NAA38: variants seen among roughly 807,000 people sequenced by gnomAD.
NAA38 encodes N-alpha-acetyltransferase 38, NatC auxiliary subunit, also known as LSM domain containing 1.
NAA38 carries 15 observed loss-of-function variants against 12.6 expected under a neutral mutation model. The observed-to-expected ratio is 1.19, with a 90% CI of 0.79 to 1.83. NAA38 has a LOEUF of 1.83. Among genes scored for constraint, NAA38 ranks in the 40% most tolerant of loss-of-function variants. NAA38 has a pLI of 0.00. For synonymous variants in NAA38, 88 were observed against 69.9 expected (o/e 1.26, Z -1.29); for missense variants, 183 against 171.7 (o/e 1.07, Z -0.37).
intron 2 of NAA38, among the ~76,000 whole-genome samples, chr17:7,878,439 A>G (rs1967212668): frequency 6.6e-6 from 1 of 152,096 alleles, no homozygotes; most frequent in Non-Finnish European, 1.5e-5. Flanking sequence ...TGTGCTGAGT[A>G]AGGACATTAA....
At position 7,857,313 on chromosome 17, in the gene NAA38, T is replaced by C. The variant is rs760123448; in HGVS notation, c.81+70A>G. Reference sequence around the variant, plus strand: ...ACAAAGCCCAGAGGCTGCCGGGAGCTGCAGTTCCCCACCCCCTCCATCTTG... The same window carrying C: ...ACAAAGCCCAGAGGCTGCCGGGAGCCGCAGTTCCCCACCCCCTCCATCTTG... On this transcript the variant is annotated intron_variant, in intron 1 of 2. Coordinates refer to ENST00000575771, the MANE Select transcript of NAA38 (RefSeq NM_001320925.4). 1.1e-5 allele frequency: 18 copies of C among 1,612,346 alleles called. No homozygotes were observed. In the Admixed American group the frequency reaches 2.3e-4, roughly 21 times the overall value.
At chr17:7,859,484 A>C, upstream of NAA38, 2 of 1,614,174 alleles carry the variant, frequency 1.2e-6, no homozygotes, top group Non-Finnish European at 1.7e-6. Context: ...GAACCTGAAC[A>C]TGGATTTTAC....
upstream of NAA38, chr17:7,859,397 T>C: frequency 6.2e-7 from 1 of 1,613,598 alleles, no homozygotes; most frequent in Non-Finnish European, 8.5e-7. Flanking sequence ...GGTTCTGGAG[T>C]CCATATGGGA....
chr17:7,858,708 A>T (rs752474992), upstream of NAA38: 1 of 1,611,000 alleles, frequency 6.2e-7, no homozygotes, highest in Non-Finnish European at 8.5e-7. Flanking sequence ...GGACTGGGCC[A>T]ACGATTTTGG....
chr17:7,859,205 T>G, upstream of NAA38: 1 of 613,862 alleles, frequency 1.6e-6, no homozygotes, highest in Non-Finnish European at 2.9e-6. Context: ...GTGGCTGCCA[T>G]TAAGATCTGT....
intron 2 of NAA38, among the ~76,000 whole-genome samples, chr17:7,875,706 T>G (rs1204850954): frequency 5.3e-5 from 8 of 151,860 alleles, no homozygotes; most frequent in Admixed American, 5.2e-4. Flanking sequence ...AATTCAGGGG[T>G]TTTTAGTATA....
chr17:7,858,266 C>T, upstream of NAA38: 1 of 1,614,016 alleles, frequency 6.2e-7, no homozygotes, highest in East Asian at 2.2e-5. Flanking sequence ...GCGTGTACGA[C>T]CTAACGTCAT....
upstream of NAA38, chr17:7,857,570 C>G (rs947173668): frequency 4.3e-6 from 6 of 1,405,258 alleles, no homozygotes; most frequent in East Asian, 2.7e-5. Context: ...GCGAGATCCC[C>G]TCTCCTCCCC....
intron 2 of NAA38, among the ~76,000 whole-genome samples, chr17:7,874,855 A>G (rs1416071203): frequency 1.4e-5 from 2 of 143,992 alleles, no homozygotes; most frequent in Non-Finnish European, 3.0e-5. Flanking sequence ...ACTGCACTCC[A>G]GCCTCGGCAA....
At chr17:7,860,320 T>C (rs567641697), upstream of NAA38, 1 of 152,272 alleles carries the variant, frequency 6.6e-6, no homozygotes, top group Non-Finnish European at 1.5e-5. Context: ...CCTAATTTTT[T>C]AATTTTTTGT....
chr17:7,875,444 C>T (rs545494298), intron 2 of NAA38, among the ~76,000 whole-genome samples: 4 of 152,164 alleles, frequency 2.6e-5, no homozygotes, highest in African/African-American at 9.6e-5. Flanking sequence ...GAGCTCTCCT[C>T]CTGCTTCAGT....
upstream of NAA38, chr17:7,859,545 G>A: frequency 1.2e-6 from 2 of 1,614,218 alleles, no homozygotes; most frequent in Admixed American, 1.7e-5. Flanking sequence ...GACTATCTCA[G>A]TATGGACGGT....
chr17:7,857,351 C>T (rs536211716), intron 1 of NAA38, 32 bp downstream of exon 1: 4 of 1,613,264 alleles, frequency 2.5e-6, no homozygotes, highest in African/African-American at 1.3e-5. Flanking sequence ...GCTTGACTGC[C>T]CCTCAGTCCC....
intron 2 of NAA38, among the ~76,000 whole-genome samples, chr17:7,874,705 G>A (rs958296612): frequency 2.0e-5 from 3 of 151,612 alleles, no homozygotes; most frequent in Admixed American, 2.0e-4. Context: ...GGCCAACATG[G>A]TGAAACCCCA....
chr17:7,857,314 G>A, intron 1 of NAA38, 69 bp downstream of exon 1: 1 of 1,612,508 alleles, frequency 6.2e-7, no homozygotes, highest in Non-Finnish European at 8.5e-7. Context: ...GCCGGGAGCT[G>A]CAGTTCCCCA....
intron 2 of NAA38, among the ~76,000 whole-genome samples, chr17:7,869,698 G>C (rs1328804881): frequency 6.6e-6 from 1 of 151,308 alleles, no homozygotes; most frequent in African/African-American, 2.4e-5. Flanking sequence ...GGGAGGCAGA[G>C]GTTGCAGTGA....
chr17:7,871,153 G>A (rs1334029502), intron 2 of NAA38, among the ~76,000 whole-genome samples: 1 of 152,196 alleles, frequency 6.6e-6, no homozygotes, highest in Non-Finnish European at 1.5e-5. Context: ...CAATTCTTGA[G>A]CCATCACATC....
chr17:7,859,602 C>T (rs368252327), upstream of NAA38: 45 of 1,613,828 alleles, frequency 2.8e-5, no homozygotes, highest in East Asian at 5.6e-4. Flanking sequence ...GATGATCTCA[C>T]GGAGTTGTAG....
chr17:7,868,122 T>C (rs1013498344), intron 2 of NAA38, among the ~76,000 whole-genome samples: 8 of 152,302 alleles, frequency 5.3e-5, no homozygotes, highest in Non-Finnish European at 1.2e-4. Context: ...AGATAGCAGC[T>C]GTAGCCAGTC....
Sources: gnomAD v4.1 joint callset for allele counts (sites outside exome capture counted in the v4.1 genomes callset) on GRCh38, gnomAD v4.1.1 for gene constraint, MANE v1.5 for transcripts, NCBI Gene and HGNC (gene_info 2026-07-23, HGNC 2026-07-21) for gene names.